The following FAT2 variants were observed in gnomAD, a reference collection of about 807,000 sequenced individuals.
FAT2 encodes protocadherin Fat 2.
Under a neutral mutation model 295.3 loss-of-function variants are expected in FAT2, and 150 were observed. The observed-to-expected ratio is 0.51, with a 90% CI of 0.44 to 0.58. FAT2 has a LOEUF of 0.58. Among genes scored for constraint, FAT2 ranks in the 20% least tolerant of loss-of-function variants. FAT2 has a pLI of 0.00. For missense variants in FAT2, 4,868 were observed against 5,442.7 expected (o/e 0.89, Z 3.32); for synonymous variants, 2,026 against 2,150.3 (o/e 0.94, Z 1.60).
rs1476158737 is a variant in FAT2, at chr5:151,545,528, C to T, written c.5599G>A (p.Asp1867Asn). 2 of 1,614,182 alleles carry T rather than the reference C, an allele frequency of 1.2e-6. No individual in the cohort carries two copies. The highest frequency in any genetic ancestry group is 2.2e-5 in the South Asian group (2 of 91,080). ...TGTTCTGAGAATCTGGGAGGGGAATCATTCACATCTCTGACATGAATGATG... is the reference window on the plus strand; with the variant it reads ...TGTTCTGAGAATCTGGGAGGGGAATTATTCACATCTCTGACATGAATGATG... ...QVIIHVRDVN[D>N]SPPRFSEQIY... Residue 1867 changes from aspartate (D) to asparagine (N), a missense_variant, in exon 10 of 24, where the codon GAT becomes AAT. Asp to Asn is a conservative substitution (Grantham distance 23). This residue lies in a region of FAT2 where 3,297 missense variants were observed against 3,669.4 expected (regional missense o/e 0.90). Coordinates refer to ENST00000261800, the MANE Select transcript of FAT2 (RefSeq NM_001447.3).
rs1298759857 is a variant in FAT2, at chr5:151,504,170, C to T, written c.*1395G>A. Reference sequence around the variant, plus strand: ...TGTATCTGTCACTCACACTCACAGTCACACACACAGCCACAAACCACTCAC... The same window carrying T: ...TGTATCTGTCACTCACACTCACAGTTACACACACAGCCACAAACCACTCAC... On this transcript the variant is annotated 3_prime_UTR_variant, in exon 24 of 24. Transcript: ENST00000261800. 6.6e-6 allele frequency: 1 copy of T among 152,534 alleles called. No homozygotes were observed. 9.4% of individuals were successfully genotyped at this position (152,534 alleles called of 1,614,324 possible).
chr5:151,570,272 A>G (rs1758468207), intron 1 of FAT2, among the ~76,000 whole-genome samples: 1 of 152,180 alleles, frequency 6.6e-6, no homozygotes, highest in Non-Finnish European at 1.5e-5. Context: ...CTGACTCATC[A>G]TGTAACCTGG....
chr5:151,586,402 A>G (rs1277689494), intron 1 of FAT2, among the ~76,000 whole-genome samples: 1 of 152,220 alleles, frequency 6.6e-6, no homozygotes, highest in Non-Finnish European at 1.5e-5. Flanking sequence ...GAACAGAAAA[A>G]GGGGCAAGGG....
At position 151,542,773 on chromosome 5, in the gene FAT2, A is replaced by C. The variant is rs1317130258; in HGVS notation, c.8354T>G (p.Ile2785Ser). ...TDVVSLVSVN[I>S]QVGDVNDNRP... ...ATTGTCATTGACGTCTCCCACTTGGATGTTGACAGAGACCAAGGACACCAC... is the reference window on the plus strand; with the variant it reads ...ATTGTCATTGACGTCTCCCACTTGGCTGTTGACAGAGACCAAGGACACCAC... Residue 2785 changes from isoleucine (I) to serine (S), a missense_variant, in exon 10 of 24, where the codon ATC (isoleucine) becomes AGC (serine). By Grantham distance (142) the Ile-to-Ser change is moderately radical. Around this residue, in one of 5 missense-constraint regions of FAT2, gnomAD observed 3,297 missense variants for 3,669.4 expected, o/e 0.90. Coordinates refer to ENST00000261800, the MANE Select transcript of FAT2 (RefSeq NM_001447.3). 5.0e-6 allele frequency: 8 copies of C among 1,614,198 alleles called. No homozygotes were observed. Among genetic ancestry groups the C allele is most frequent in the Non-Finnish European group, 6.8e-6 (8 of 1,180,038 alleles).
At chr5:151,564,344 G>T (rs924745255) in intron 2 of FAT2, among the ~76,000 whole-genome samples, 13 of 152,366 alleles carry the variant, frequency 8.5e-5, no homozygotes, top group East Asian at 3.9e-4. Context: ...GAGGGAGCAC[G>T]ACTTGACCAA....
intron 1 of FAT2, among the ~76,000 whole-genome samples, chr5:151,575,836 G>T (rs1475221370): frequency 6.6e-6 from 1 of 152,240 alleles, no homozygotes; most frequent in Non-Finnish European, 1.5e-5. Context: ...TCTCTGTGCT[G>T]TCCAGGGTGG....
chr5:151,543,739 G>T lies in FAT2; in HGVS notation c.7388C>A (p.Ala2463Glu), dbSNP rs762517239. ...AGTGTTGATGTACACAGGCACAGTT[G>T]CTCGGAAGACTCCATCAGAAGCACC... ...RVGASDGVFR[A>E]TVPVYINTTN... Residue 2463 changes from alanine (A) to glutamate (E), a missense_variant, in exon 10 of 24, where the codon GCA becomes GAA. Ala to Glu is a moderately radical substitution (Grantham distance 107). This residue lies in a region of FAT2 where 3,297 missense variants were observed against 3,669.4 expected (regional missense o/e 0.90). Transcript: ENST00000261800. 4 of 1,614,202 alleles carry T rather than the reference G, an allele frequency of 2.5e-6. No homozygotes were observed. The highest frequency in any genetic ancestry group is 3.4e-6 in the Non-Finnish European group (4 of 1,180,036).
chr5:151,559,647 C>CTGTGTGTG (rs145392136), intron 3 of FAT2, among the ~76,000 whole-genome samples: 3,736 of 151,782 alleles, frequency 0.025, 148 homozygotes, highest in African/African-American at 0.087. Flanking sequence ...GCCTCTCTCT[C>CTGTGTGTG]TGTGTGTGTG....
intron 20 of FAT2, among the ~76,000 whole-genome samples, chr5:151,514,356 G>A (rs1025532538): frequency 1.3e-4 from 20 of 152,000 alleles, no homozygotes; most frequent in Non-Finnish European, 8.8e-5. Context: ...TAATGTCCTC[G>A]TTCCTCTCCT....
intron 9 of FAT2, among the ~76,000 whole-genome samples, chr5:151,546,924 A>G (rs1442592024): frequency 6.6e-6 from 1 of 152,086 alleles, no homozygotes; most frequent in Non-Finnish European, 1.5e-5. Flanking sequence ...TAGAACACCC[A>G]TATCTCAAGG....
In FAT2 at chr5:151,563,523, C is replaced by A; in HGVS notation, c.3376G>T (p.Glu1126Ter). 6.2e-7 allele frequency: 1 copy of A among 1,614,078 alleles called. No homozygotes were observed. Residue 1126 changes from glutamate to a stop codon, truncating the protein, a stop_gained, in exon 3 of 24, where the codon GAG (glutamate) becomes TAG (stop). Coordinates refer to ENST00000261800, the MANE Select transcript of FAT2 (RefSeq NM_001447.3). LOFTEE classifies it high-confidence loss of function. ...PLSSVTEVYI[E>*]VTDANDNPPQ... ...GGGTTGTCATTGGCATCCGTAACCT[C>A]GATGTAGACTTCAGTTACAGAAGAG...
chr5:151,567,154 T>A lies in FAT2; in HGVS notation c.1778A>T (p.Glu593Val). 1 of 1,614,206 alleles carries A rather than the reference T, an allele frequency of 6.2e-7. No individual in the cohort carries two copies. The highest frequency in any genetic ancestry group is 8.5e-7 in the Non-Finnish European group (1 of 1,180,032). Reference sequence around the variant, plus strand: ...AATCTCGTATTTTAGGTTCTGAAGCTCATCCACATCTATGGCTGACATAGT... The same window carrying A: ...AATCTCGTATTTTAGGTTCTGAAGCACATCCACATCTATGGCTGACATAGT... ...IMTMSAIDVD[E>V]LQNLKYEIVS... Residue 593 changes from glutamate to valine, a missense_variant, in exon 2 of 24, where the codon GAG (glutamate) becomes GTG (valine). Transcript: ENST00000261800.
rs748934738 is a variant in FAT2 at position 151,521,760 on chromosome 5, C to T, written c.10833G>A (p.Thr3611=). 6 of 1,614,084 alleles carry T rather than the reference C, an allele frequency of 3.7e-6. No homozygotes were observed. Among genetic ancestry groups the T allele is most frequent in the Middle Eastern group, 3.3e-4 (2 of 6,062 alleles). The change falls in exon 19 of 24, where the codon ACG becomes ACA. Residue 3611 remains threonine (T), a synonymous_variant. Transcript: ENST00000261800. ...ACACGTACACATGGACCCCAGCAGT[C>T]GTGGTGAAGGTCCCATCGCTGACCG... ...NVTVSDGTFT[T]TAGVHVYVWH...
chr5:151,540,830 T>C, intron 10 of FAT2, 67 bp from the exon 11 acceptor site: 2 of 1,424,460 alleles, frequency 1.4e-6, no homozygotes, highest in Non-Finnish European at 1.9e-6. Context: ...GTGTCACAGG[T>C]GGCTGCCCAT....
chr5:151,525,626 C>A (rs781591761), intron 18 of FAT2, 142 bp downstream of exon 18: 4 of 837,694 alleles, frequency 4.8e-6, no homozygotes, highest in Non-Finnish European at 5.7e-6. Flanking sequence ...AGGCTTTAGT[C>A]CTGAGAAGGA....
chr5:151,578,807 C>G (rs1758838084), intron 1 of FAT2, among the ~76,000 whole-genome samples: 1 of 152,188 alleles, frequency 6.6e-6, no homozygotes, highest in Non-Finnish European at 1.5e-5. Flanking sequence ...TAAATTTTGT[C>G]AGTTGTGACA....
rs1456975614 is a variant in FAT2, at chr5:151,531,337, G to T, written c.9811+250C>A. The stretch of plus-strand genomic sequence containing the variant: ...TGTGGGAGGAGAGTGGATCACTGAG[G>T]GTCCTGGACACAGAGACCTGGCTGC... On this transcript the variant is annotated intron_variant, in intron 14 of 23. Coordinates refer to ENST00000261800, the MANE Select transcript of FAT2 (RefSeq NM_001447.3). This position sits in a 1 kb window ranked among gnomAD's most constrained non-coding sequence, Gnocchi z 5.7. 6.6e-6 allele frequency among the ~76,000 whole-genome samples: 1 copy of T among 152,166 alleles called. No homozygotes were observed. The highest frequency in any genetic ancestry group is 1.5e-5 in the Non-Finnish European group (1 of 68,026).
chr5:151,510,168 A>G lies in FAT2; in HGVS notation c.11912T>C (p.Val3971Ala). ...KCSWTHGAGYVCKCPPQFSGK... is the reference protein window; with the variant it reads ...KCSWTHGAGYACKCPPQFSGK... The stretch of plus-strand genomic sequence containing the variant: ...AGAGAACTGTGGGGGACATTTGCAG[A>G]CATAGCCTAGGAGAAAAAGAAGGGA... The change falls in exon 22 of 24, where the codon GTC becomes GCC. Residue 3971 changes from valine (V) to alanine (A), a missense_variant. By Grantham distance (64) the Val-to-Ala change is moderately conservative. This residue lies in a region of FAT2 where 24 missense variants were observed against 53.3 expected (regional missense o/e 0.45). Transcript: ENST00000261800. 1 of 1,614,094 alleles carries G rather than the reference A, an allele frequency of 6.2e-7. No individual in the cohort carries two copies. The highest frequency in any genetic ancestry group is 8.5e-7 in the Non-Finnish European group (1 of 1,179,978).
At position 151,546,770 on chromosome 5, in the gene FAT2, A is replaced by G. The variant is rs80266318; in HGVS notation, c.4790-433T>C. ...GGTCTTTCCTGTCACCCAGGCTGGA[A>G]TGTAGTGATGTGAGCATGGCTCACT... is the stretch of plus-strand genomic sequence containing the variant. On this transcript the variant is annotated intron_variant, in intron 9 of 23. Coordinates refer to ENST00000261800, the MANE Select transcript of FAT2 (RefSeq NM_001447.3). Among the ~76,000 whole-genome samples, 1,463 of 151,896 alleles carry G rather than the reference A, an allele frequency of 9.6e-3. 21 individuals are homozygous for G. Among genetic ancestry groups the G allele is most frequent in the African/African-American group, 0.034 (1,400 of 41,412 alleles).
Sources: allele counts gnomAD v4.1 joint callset (sites outside exome capture counted in the v4.1 genomes callset), GRCh38; gene constraint gnomAD v4.1.1; regional missense constraint gnomAD v4.1.1; non-coding constraint Gnocchi (gnomAD v3.1); transcripts MANE v1.5; gene names NCBI Gene and HGNC (gene_info 2026-07-23, HGNC 2026-07-21).